The following CDH13 variants were observed in gnomAD, a reference collection of about 807,000 sequenced individuals.
CDH13 encodes the protein cadherin-13.
In CDH13, 24 loss-of-function variants were observed where a neutral mutation model predicts 63.8. The ratio of observed to expected loss-of-function variants is 0.38; its 90% CI spans 0.27 to 0.53. The LOEUF (loss-of-function observed/expected upper bound fraction) is 0.53, where lower values mean the gene tolerates loss of function less well. CDH13 is among the 20% of genes least tolerant of loss of function. CDH13 has a pLI of 0.85. For missense variants in CDH13, 1,049 were observed against 903.1 expected, an observed-to-expected ratio of 1.16 and a Z score of -2.07; for synonymous variants, 503 against 355.3, an observed-to-expected ratio of 1.42 and a Z score of -4.67.
At chr16:83,408,098 C>G (rs932920395) in intron 6 of CDH13, among the ~76,000 whole-genome samples, 2 of 152,178 alleles carry the variant, frequency 1.3e-5, no homozygotes, top group African/African-American at 4.8e-5. Flanking sequence ...CGTTCAGAAT[C>G]CTCATTTGCT....
At chr16:83,603,788 T>C (rs1468332964) in intron 8 of CDH13, among the ~76,000 whole-genome samples, 1 of 152,114 alleles carries the variant, frequency 6.6e-6, no homozygotes, top group Non-Finnish European at 1.5e-5. Flanking sequence ...ACTGGGTAAT[T>C]TACAAAGAAA....
At chr16:83,612,825 T>C (rs1908971117) in intron 8 of CDH13, among the ~76,000 whole-genome samples, 11 of 152,130 alleles carry the variant, frequency 7.2e-5, no homozygotes, top group Admixed American at 7.2e-4. Flanking sequence ...TCCTACCTTC[T>C]GAGATATTGT....
intron 1 of CDH13, among the ~76,000 whole-genome samples, chr16:82,703,476 C>T (rs531968669): frequency 6.6e-6 from 1 of 152,118 alleles, no homozygotes; most frequent in African/African-American, 2.4e-5. Flanking sequence ...CACTCCCTTG[C>T]CCCTTTGGAG....
chr16:82,865,566 C>T (rs1177959032), intron 2 of CDH13, among the ~76,000 whole-genome samples: 2 of 152,200 alleles, frequency 1.3e-5, no homozygotes, highest in African/African-American at 4.8e-5. Flanking sequence ...AAATGCAGGG[C>T]TCCAAGTCCT....
rs1468128448 is a variant in CDH13 at position 83,252,368 on chromosome 16, T to C, written c.636+34871T>C. 2.6e-5 allele frequency among the ~76,000 whole-genome samples: 4 copies of C among 151,926 alleles called. No homozygotes were observed. The East Asian group carries it at 7.7e-4, about 29-fold the overall frequency. On this transcript the variant is annotated intron_variant, in intron 5 of 13. Coordinates refer to ENST00000567109, the MANE Select transcript of CDH13 (RefSeq NM_001257.5). ...CAAGAATTTATTAGGATGTTATGGTTAATATAATCATGGCCATAACTTCCT... is the reference window on the plus strand; with the variant it reads ...CAAGAATTTATTAGGATGTTATGGTCAATATAATCATGGCCATAACTTCCT...
At chr16:83,106,329 G>C (rs1046495038) in intron 3 of CDH13, among the ~76,000 whole-genome samples, 1 of 152,164 alleles carries the variant, frequency 6.6e-6, no homozygotes, top group African/African-American at 2.4e-5. Flanking sequence ...CATGAGGTCA[G>C]GAGTTCGAGA....
intron 4 of CDH13, among the ~76,000 whole-genome samples, chr16:83,217,143 G>T (rs573250703): frequency 6.6e-6 from 1 of 152,190 alleles, no homozygotes; most frequent in South Asian, 2.1e-4. Context: ...TCAGCTGCCA[G>T]CTGCAAAGAC....
intron 4 of CDH13, among the ~76,000 whole-genome samples, chr16:83,178,917 G>C (rs1045827750): frequency 1.3e-5 from 2 of 152,174 alleles, no homozygotes; most frequent in Admixed American, 6.5e-5. Flanking sequence ...AAGTTACATA[G>C]AGACGTGCAG....
chr16:83,682,915 G>A (rs1915523041), intron 10 of CDH13, among the ~76,000 whole-genome samples: 1 of 152,150 alleles, frequency 6.6e-6, no homozygotes, highest in Admixed American at 6.5e-5. Context: ...GGTCAACATG[G>A]GAAGCCTTCT....
At chr16:83,756,763 G>T (rs938491715) in intron 11 of CDH13, among the ~76,000 whole-genome samples, 1 of 152,196 alleles carries the variant, frequency 6.6e-6, no homozygotes, top group Non-Finnish European at 1.5e-5. Context: ...AAATCTGTAT[G>T]TACTGGACAG....
intron 3 of CDH13, among the ~76,000 whole-genome samples, chr16:83,091,293 C>G (rs553075956): frequency 3.3e-5 from 5 of 151,862 alleles, no homozygotes; most frequent in Admixed American, 1.3e-4. Context: ...TCCATGAGCA[C>G]TTGGTAACCA....
chr16:83,731,416 T>A (rs1192892960), intron 10 of CDH13, among the ~76,000 whole-genome samples: 1 of 152,232 alleles, frequency 6.6e-6, no homozygotes, highest in Non-Finnish European at 1.5e-5. Context: ...TGAGGATTAG[T>A]GACGTGGAGC....
chr16:83,033,103 C>G (rs1323610914), intron 3 of CDH13, among the ~76,000 whole-genome samples: 1 of 152,106 alleles, frequency 6.6e-6, no homozygotes, highest in African/African-American at 2.4e-5. Context: ...TATATGTACA[C>G]ATACATATGG....
At chr16:82,705,663 C>T (rs983343937) in intron 1 of CDH13, among the ~76,000 whole-genome samples, 4 of 152,118 alleles carry the variant, frequency 2.6e-5, no homozygotes, top group African/African-American at 9.7e-5. Flanking sequence ...GCCAGTATTT[C>T]ATTCAAAACT....
chr16:83,709,754 G>A (rs1219074311), intron 10 of CDH13, among the ~76,000 whole-genome samples: 1 of 152,186 alleles, frequency 6.6e-6, no homozygotes, highest in African/African-American at 2.4e-5. Context: ...TTTATTCATA[G>A]ACTTTGTCAT....
intron 3 of CDH13, among the ~76,000 whole-genome samples, chr16:83,036,587 A>G (rs1460692374): frequency 6.6e-6 from 1 of 152,130 alleles, no homozygotes; most frequent in Non-Finnish European, 1.5e-5. Flanking sequence ...GATTGTCAGG[A>G]CCAGCTCAGT....
At chr16:83,759,336 T>G (rs550371932) in intron 11 of CDH13, among the ~76,000 whole-genome samples, 5 of 152,240 alleles carry the variant, frequency 3.3e-5, no homozygotes, top group African/African-American at 1.2e-4. Flanking sequence ...GTTGATTGAA[T>G]AAACATATTT....
Position 83,796,465 on chromosome 16 carries a change from G to C in CDH13, c.*1435G>C, listed in dbSNP as rs946738692. 1 of 152,182 alleles carries C rather than the reference G, an allele frequency of 6.6e-6. No homozygotes were observed. The highest frequency in any genetic ancestry group is 1.5e-5 in the Non-Finnish European group (1 of 68,038). The allele number at this position is 152,182 out of a possible 1,614,324, so 9.4% of individuals were successfully genotyped here. A position where few individuals can be genotyped will look rare whatever the true frequency, so the allele number is the denominator to read the frequency against. On this transcript the variant is annotated 3_prime_UTR_variant, in exon 14 of 14. Transcript: ENST00000567109. ...CTGTAGGAAGTAGAAGTCATATGTT[G>C]TCTTTGTTGTAGTGAAATTATACAG... is the stretch of plus-strand genomic sequence containing the variant.
chr16:83,569,672 A>G (rs1904390994), intron 7 of CDH13, among the ~76,000 whole-genome samples: 1 of 152,186 alleles, frequency 6.6e-6, no homozygotes, highest in African/African-American at 2.4e-5. Flanking sequence ...ACATGGACTC[A>G]GAGACGTCCA....
Sources: allele counts gnomAD v4.1 joint callset (sites outside exome capture counted in the v4.1 genomes callset), GRCh38; gene constraint gnomAD v4.1.1; transcripts MANE v1.5; gene names NCBI Gene and HGNC (gene_info 2026-07-23, HGNC 2026-07-21).